The following OSBPL10 variants were observed in gnomAD, a reference collection of about 807,000 sequenced individuals.
OSBPL10 encodes oxysterol-binding protein-related protein 10.
OSBPL10 carries 49 observed loss-of-function variants against 81.7 expected under a neutral mutation model. The ratio of observed to expected loss-of-function variants is 0.60; its 90% CI spans 0.48 to 0.76. The LOEUF is 0.76. Ranked by LOEUF, OSBPL10 falls within the 30% of genes least tolerant of loss-of-function variation. OSBPL10 has a pLI of 0.00. For synonymous variants in OSBPL10, 419 were observed against 383.6 expected (o/e 1.09, Z -1.08); for missense variants, 923 against 987.8 (o/e 0.93, Z 0.88).
At chr3:31,952,987 C>A (rs1360740996) in intron 1 of OSBPL10, among the ~76,000 whole-genome samples, 3 of 141,836 alleles carry the variant, frequency 2.1e-5, no homozygotes, top group Non-Finnish European at 4.5e-5. Context: ...GGCTGGAGTG[C>A]AATGGTGCAA....
At chr3:31,752,673 C>G (rs1261631667) in intron 4 of OSBPL10, among the ~76,000 whole-genome samples, 1 of 152,198 alleles carries the variant, frequency 6.6e-6, no homozygotes, top group Admixed American at 6.5e-5. Context: ...CCAATGATAT[C>G]TAGCTCAACA....
At chr3:32,014,002 A>T (rs1037806536) in intron 2 of OSBPL10, among the ~76,000 whole-genome samples, 9 of 152,228 alleles carry the variant, frequency 5.9e-5, no homozygotes, top group African/African-American at 2.2e-4. Context: ...TCACAGCCGA[A>T]TTCTACCAGA....
At chr3:31,790,165 G>A (rs1203532160) in intron 4 of OSBPL10, among the ~76,000 whole-genome samples, 1 of 152,120 alleles carries the variant, frequency 6.6e-6, no homozygotes, top group Non-Finnish European at 1.5e-5. Context: ...AATCTCACAA[G>A]TAATTACAGA....
intron 4 of OSBPL10, among the ~76,000 whole-genome samples, chr3:31,766,760 A>C (rs939790985): frequency 1.5e-4 from 23 of 152,220 alleles, no homozygotes; most frequent in Non-Finnish European, 1.8e-4. Context: ...TATCCAAGAC[A>C]ATTAATCAAA....
intron 2 of OSBPL10, among the ~76,000 whole-genome samples, chr3:32,026,849 C>G (rs942197565): frequency 6.6e-6 from 1 of 152,140 alleles, no homozygotes; most frequent in Non-Finnish European, 1.5e-5. Context: ...TCCTCAGAAA[C>G]AGCCCTCCAT....
intron 4 of OSBPL10, among the ~76,000 whole-genome samples, chr3:31,757,382 T>C (rs1003004578): frequency 6.6e-6 from 1 of 152,136 alleles, no homozygotes; most frequent in Non-Finnish European, 1.5e-5. Context: ...GAAAGATCAC[T>C]TGAGGCCAGG....
At chr3:31,833,709 A>ACGCG (rs1203981887) in intron 3 of OSBPL10, among the ~76,000 whole-genome samples, 1 of 140,528 alleles carries the variant, frequency 7.1e-6, no homozygotes, top group Non-Finnish European at 1.5e-5. Flanking sequence ...GCACACGCAC[A>ACGCG]CACACACACA....
intron 3 of OSBPL10, among the ~76,000 whole-genome samples, chr3:31,841,371 ACTCACT>A (rs1251862724): frequency 6.6e-6 from 1 of 152,118 alleles, no homozygotes; most frequent in Non-Finnish European, 1.5e-5. Context: ...AAAGCGCCTG[ACTCACT>A]CTCAGATCTC....
chr3:31,716,162 G>A (rs1255003947), intron 6 of OSBPL10, among the ~76,000 whole-genome samples: 1 of 152,146 alleles, frequency 6.6e-6, no homozygotes, highest in African/African-American at 2.4e-5. Context: ...GAAACTCTGG[G>A]GGCAGGGCAG....
At chr3:31,725,638 A>G (rs1696784660) in intron 6 of OSBPL10, among the ~76,000 whole-genome samples, 1 of 152,228 alleles carries the variant, frequency 6.6e-6, no homozygotes, top group Non-Finnish European at 1.5e-5. Context: ...TCATAGAAGC[A>G]TCTTCTGCCT....
rs1246862170 is a variant in OSBPL10, at chr3:31,969,927, C to A, written c.281+10972G>T. ...AAAGGCCATGGAGAGAAAGAGTATG[C>A]GGGGGTGGGGGGCGCGGGGCAGGAA... is the stretch of plus-strand genomic sequence containing the variant. On this transcript the variant is annotated intron_variant, in intron 1 of 11. Coordinates refer to ENST00000396556, the MANE Select transcript of OSBPL10 (RefSeq NM_017784.5). Among the ~76,000 whole-genome samples the A allele has an allele frequency of 8.2e-5, 12 of 146,996 alleles. No individual in the cohort carries two copies. In the South Asian group the frequency reaches 2.6e-3, roughly 32 times the overall value.
intron 3 of OSBPL10, 136 bp from the exon 4 acceptor site, chr3:31,830,367 A>C: frequency 1.2e-6 from 1 of 854,042 alleles, no homozygotes; most frequent in South Asian, 1.9e-5. Flanking sequence ...AGGAGGTATA[A>C]CAACACTGCA....
intron 3 of OSBPL10, among the ~76,000 whole-genome samples, chr3:31,875,590 T>C (rs369745316): frequency 1.3e-5 from 2 of 151,502 alleles, no homozygotes; most frequent in African/African-American, 4.8e-5. Flanking sequence ...GAAGAAATTA[T>C]TTTAGTTTGT....
At chr3:31,739,213 C>T (rs1444377776) in intron 5 of OSBPL10, among the ~76,000 whole-genome samples, 1 of 151,846 alleles carries the variant, frequency 6.6e-6, no homozygotes, top group Non-Finnish European at 1.5e-5. Context: ...CAGGCATGCA[C>T]CACTATACCT....
Position 31,833,657 on chromosome 3 carries a change from G to A in OSBPL10, c.538-3426C>T, listed in dbSNP as rs150482775. On this transcript the variant is annotated intron_variant, in intron 3 of 11. Transcript: ENST00000396556. ...CAAAACATAATTAAATACTTACAGGGTCAGCCATTAAATATCAAGATTGTA... is the reference window on the plus strand; with the variant it reads ...CAAAACATAATTAAATACTTACAGGATCAGCCATTAAATATCAAGATTGTA... Among the ~76,000 whole-genome samples the A allele has an allele frequency of 2.9e-3, 439 of 151,458 alleles. 3 individuals carry two copies. Among genetic ancestry groups the A allele is most frequent in the African/African-American group, 9.5e-3 (393 of 41,252 alleles).
chr3:31,724,800 G>A (rs1472725351), intron 6 of OSBPL10, among the ~76,000 whole-genome samples: 1 of 152,180 alleles, frequency 6.6e-6, no homozygotes, highest in African/African-American at 2.4e-5. Context: ...TGATTACGTT[G>A]TGAGTTGCTA....
At chr3:32,050,180 T>C (rs1699658391) in intron 1 of OSBPL10, among the ~76,000 whole-genome samples, 1 of 152,198 alleles carries the variant, frequency 6.6e-6, no homozygotes, top group Non-Finnish European at 1.5e-5. Context: ...ATTTTGGAGT[T>C]TATGTCATAG....
At chr3:31,678,527 T>G (rs188467597) in intron 8 of OSBPL10, among the ~76,000 whole-genome samples, 375 of 152,318 alleles carry the variant, frequency 2.5e-3, no homozygotes, top group Middle Eastern at 0.01. Flanking sequence ...AGAGATTGCG[T>G]TTCTGTGAAG....
At chr3:31,904,864 A>G (rs1696356955) in intron 1 of OSBPL10, among the ~76,000 whole-genome samples, 1 of 152,214 alleles carries the variant, frequency 6.6e-6, no homozygotes, top group African/African-American at 2.4e-5. Context: ...GAACTTTCCC[A>G]ACTTTCTGGG....
Sources: gnomAD v4.1 joint callset for allele counts (sites outside exome capture counted in the v4.1 genomes callset) on GRCh38, gnomAD v4.1.1 for gene constraint, MANE v1.5 for transcripts, NCBI Gene and HGNC (gene_info 2026-07-23, HGNC 2026-07-21) for gene names.